Variants in CLIP4 observed in about 807,000 individuals in gnomAD.
The protein encoded by CLIP4 is CAP-Gly domain-containing linker protein 4.
Under a neutral mutation model 73.1 loss-of-function variants are expected in CLIP4, and 47 were observed. The observed-to-expected ratio is 0.64, with a 90% CI of 0.51 to 0.82. The LOEUF is 0.82. CLIP4 is among the 40% of genes least tolerant of loss of function. CLIP4 has a pLI of 0.00. For missense variants in CLIP4, 874 were observed against 852.9 expected, an observed-to-expected ratio of 1.02 and a Z score of -0.31; for synonymous variants, 306 against 295.4, an observed-to-expected ratio of 1.04 and a Z score of -0.37.
chr2:29,161,506 C>T lies in CLIP4; in HGVS notation c.1534+1039C>T, dbSNP rs72862394. 8.8e-3 allele frequency among the ~76,000 whole-genome samples: 1,345 copies of T among 152,206 alleles called. 12 individuals are homozygous for T. The highest frequency in any genetic ancestry group is 0.052 in the East Asian group (266 of 5,164). ...CCTATTTGCAAGCTAACAAATTCGC[C>T]TGCCACAGTTTCATAGATGTTGGTG... On this transcript the variant is annotated intron_variant, in intron 12 of 15. Transcript: ENST00000320081.
chr2:29,109,615 C>T (rs1051061756), intron 1 of CLIP4, among the ~76,000 whole-genome samples: 1 of 152,168 alleles, frequency 6.6e-6, no homozygotes, highest in African/African-American at 2.4e-5. Flanking sequence ...TGCCTCCAAT[C>T]TAGCTGTAAT....
chr2:29,124,556 G>C (rs1664470408), intron 2 of CLIP4, among the ~76,000 whole-genome samples: 1 of 152,018 alleles, frequency 6.6e-6, no homozygotes, highest in African/African-American at 2.4e-5. Flanking sequence ...CCCGTTTTCA[G>C]ATACTGTAAT....
rs113856208 is a variant in CLIP4 at position 29,135,755 on chromosome 2, G to A, written c.648+89G>A. 2.1e-5 allele frequency: 18 copies of A among 859,144 alleles called. No homozygotes were observed. In the African/African-American group the frequency reaches 2.3e-4, roughly 11 times the overall value. 53.2% of individuals were successfully genotyped at this position (859,144 alleles called of 1,614,324 possible). Reference sequence around the variant, plus strand: ...ATGTTGAATCTGAATGTTATTAATAGAAGAACTCTTACATGAGCAAGTAAT... The same window carrying A: ...ATGTTGAATCTGAATGTTATTAATAAAAGAACTCTTACATGAGCAAGTAAT... On this transcript the variant is annotated intron_variant, in intron 6 of 15. Transcript: ENST00000320081.
chr2:29,181,105 C>T (rs566513762), intron 15 of CLIP4, among the ~76,000 whole-genome samples: 1 of 152,042 alleles, frequency 6.6e-6, no homozygotes, highest in African/African-American at 2.4e-5. Flanking sequence ...GAAGCCTTAC[C>T]TATAACATAA....
chr2:29,176,697 C>CA (rs1668364921), intron 15 of CLIP4, among the ~76,000 whole-genome samples: 1 of 152,210 alleles, frequency 6.6e-6, no homozygotes, highest in African/African-American at 2.4e-5. Flanking sequence ...TTCTCCTTCA[C>CA]TCTGCGGATG....
rs752587485 is a variant in CLIP4, at chr2:29,160,316, C to G, written c.1400-17C>G. On this transcript the variant is annotated splice_polypyrimidine_tract_variant and intron_variant, in intron 11 of 15. Coordinates refer to ENST00000320081, the MANE Select transcript of CLIP4 (RefSeq NM_024692.6). Reference sequence around the variant, plus strand: ...CTTTTCCTGCCCTGCCCCTGTATCCCTCCCTGACTTAAACAGGTTTGAATT... The same window carrying G: ...CTTTTCCTGCCCTGCCCCTGTATCCGTCCCTGACTTAAACAGGTTTGAATT... 4.3e-6 allele frequency: 7 copies of G among 1,613,970 alleles called. No homozygotes were observed. Among genetic ancestry groups the G allele is most frequent in the Non-Finnish European group, 5.9e-6 (7 of 1,179,910 alleles).
Position 29,157,244 on chromosome 2 carries a change from T to G in CLIP4, c.1296T>G (p.Ser432=). 6.2e-7 allele frequency: 1 copy of G among 1,614,088 alleles called. No individual in the cohort carries two copies. Among genetic ancestry groups the G allele is most frequent in the African/African-American group, 1.3e-5 (1 of 75,036 alleles). ...LGSVSSCSST[S]SLEHRQSYPK... is the part of the protein sequence containing the mutation. ...CTGTCAGCAGCTGCTCCTCTACATC[T>G]TCTTTGGAACACAGACAGAGCTACC... is the stretch of plus-strand genomic sequence containing the variant. Residue 432 remains serine (S), a synonymous_variant, in exon 11 of 16, where the codon TCT becomes TCG. Transcript: ENST00000320081.
At chr2:29,103,559 A>C (rs1414090819) in intron 1 of CLIP4, among the ~76,000 whole-genome samples, 1 of 152,158 alleles carries the variant, frequency 6.6e-6, no homozygotes, top group Non-Finnish European at 1.5e-5. Flanking sequence ...TACAATACCC[A>C]TTTCATAAAT....
At chr2:29,148,806 T>C (rs1485034598) in intron 8 of CLIP4, among the ~76,000 whole-genome samples, 1 of 152,196 alleles carries the variant, frequency 6.6e-6, no homozygotes, top group Non-Finnish European at 1.5e-5. Flanking sequence ...TGAAACCCAA[T>C]GTAGCAGTTT....
chr2:29,142,025 G>C (rs1665806261), intron 6 of CLIP4, among the ~76,000 whole-genome samples: 1 of 152,104 alleles, frequency 6.6e-6, no homozygotes, highest in South Asian at 2.1e-4. Flanking sequence ...GAAATGTGAA[G>C]TTTTGTTCCT....
intron 15 of CLIP4, among the ~76,000 whole-genome samples, chr2:29,178,712 G>A (rs1223681956): frequency 6.6e-6 from 1 of 152,184 alleles, no homozygotes; most frequent in African/African-American, 2.4e-5. Context: ...TCTAAAACAT[G>A]TATTGAACTC....
rs1418385925 is a variant in CLIP4, at chr2:29,160,445, T to G, written c.1512T>G (p.Phe504Leu). The G allele has an allele frequency of 5.0e-6, 8 of 1,614,054 alleles. No individual in the cohort carries two copies. Among genetic ancestry groups the G allele is most frequent in the Non-Finnish European group, 6.8e-6 (8 of 1,180,012 alleles). The change falls in exon 12 of 16, where the codon TTT becomes TTG. Residue 504 changes from phenylalanine (F) to leucine (L), a missense_variant. By Grantham distance (22) the Phe-to-Leu change is conservative. Transcript: ENST00000320081. ...AGAGACTGGGCACCATTAGGTTCTTTGGGACAACAAACTTCGCTCCAGGTA... is the reference window on the plus strand; with the variant it reads ...AGAGACTGGGCACCATTAGGTTCTTGGGGACAACAAACTTCGCTCCAGGTA... ...VGQRLGTIRF[F>L]GTTNFAPGYW...
intron 9 of CLIP4, among the ~76,000 whole-genome samples, chr2:29,154,903 G>T (rs1359814693): frequency 6.6e-6 from 1 of 152,104 alleles, no homozygotes; most frequent in Non-Finnish European, 1.5e-5. Flanking sequence ...GGCTACATGG[G>T]TTGACTGCCT....
chr2:29,131,473 G>T, intron 3 of CLIP4, 76 bp downstream of exon 3: 1 of 1,447,980 alleles, frequency 6.9e-7, no homozygotes, highest in Non-Finnish European at 9.3e-7. Context: ...CATCTGAAAG[G>T]AAGATGGTAA....
intron 9 of CLIP4, 37 bp downstream of exon 9, chr2:29,152,865 GT>G (rs1382188910): frequency 6.3e-7 from 1 of 1,595,640 alleles, no homozygotes; most frequent in Admixed American, 1.8e-5. Flanking sequence ...CTGCTTCAGT[GT>G]TTTAATTTTA....
At chr2:29,168,656 G>A (rs1428511039) in intron 14 of CLIP4, among the ~76,000 whole-genome samples, 1 of 150,740 alleles carries the variant, frequency 6.6e-6, no homozygotes, top group Admixed American at 6.6e-5. Flanking sequence ...CCAAGTAGCT[G>A]GCACTACAAG....
At chr2:29,149,455 C>A (rs1432155367) in intron 8 of CLIP4, among the ~76,000 whole-genome samples, 1 of 138,596 alleles carries the variant, frequency 7.2e-6, no homozygotes, top group Non-Finnish European at 1.6e-5. Context: ...TTATTCCTTA[C>A]CGATATTTTA....
chr2:29,147,242 T>C (rs1666233797), intron 8 of CLIP4, among the ~76,000 whole-genome samples: 1 of 152,174 alleles, frequency 6.6e-6, no homozygotes, highest in Admixed American at 6.5e-5. Context: ...TGTTGTAGTA[T>C]AGGTATTTTT....
rs1446430620 is a variant in CLIP4 at position 29,126,433 on chromosome 2, T to G, written c.134-4825T>G. 2.0e-5 allele frequency among the ~76,000 whole-genome samples: 3 copies of G among 152,238 alleles called. No homozygotes were observed. The East Asian group carries it at 5.8e-4, about 29-fold the overall frequency. On this transcript the variant is annotated intron_variant, in intron 2 of 15. Coordinates refer to ENST00000320081, the MANE Select transcript of CLIP4 (RefSeq NM_024692.6). Reference sequence around the variant, plus strand: ...TTTATATTATCTATCCCTTTGTTTCTTCTTCTATAAAATGAGAATAACAAT... The same window carrying G: ...TTTATATTATCTATCCCTTTGTTTCGTCTTCTATAAAATGAGAATAACAAT...
Sources: gnomAD v4.1 joint callset for allele counts (sites outside exome capture counted in the v4.1 genomes callset) on GRCh38, gnomAD v4.1.1 for gene constraint, MANE v1.5 for transcripts, NCBI Gene and HGNC (gene_info 2026-07-23, HGNC 2026-07-21) for gene names.